SERINC2: variants seen among roughly 807,000 people sequenced by gnomAD.
SERINC2 encodes tumor differentially expressed protein 2.
Under a neutral mutation model 54.2 loss-of-function variants are expected in SERINC2, and 56 were observed. The observed-to-expected ratio is 1.03, with a 90% CI of 0.83 to 1.29. The LOEUF (loss-of-function observed/expected upper bound fraction) is 1.29. SERINC2 is among the 50% of genes most tolerant of loss of function. The probability of loss-of-function intolerance (pLI) is 0.00; values close to 1 mark genes in which losing one functional copy is unlikely to be tolerated. For synonymous variants in SERINC2, 272 were observed against 253.1 expected (o/e 1.07, Z -0.71); for missense variants, 614 against 607.4 (o/e 1.01, Z -0.12).
At chr1:31,428,923 G>T (rs1393436919) in intron 6 of SERINC2, 55 bp from the exon 7 acceptor site, 1 of 1,430,634 alleles carries the variant, frequency 7.0e-7, no homozygotes. Context: ...AGTGGGCTGG[G>T]TGGGGTGGGG....
upstream of SERINC2, chr1:31,410,500 AG>A: frequency 6.5e-7 from 1 of 1,540,196 alleles, no homozygotes; most frequent in Non-Finnish European, 8.7e-7. Context: ...GGCAGGCAGG[AG>A]GCCAGGACAG....
chr1:31,422,361 C>T (rs181009632), intron 1 of SERINC2, among the ~76,000 whole-genome samples: 7 of 152,048 alleles, frequency 4.6e-5, no homozygotes, highest in African/African-American at 9.6e-5. Context: ...GATACGGTCT[C>T]GCTATGCTGC....
intron 1 of SERINC2, among the ~76,000 whole-genome samples, chr1:31,417,004 G>A (rs927286583): frequency 3.0e-4 from 45 of 152,220 alleles, no homozygotes; most frequent in Non-Finnish European, 5.3e-4. Context: ...ACAGGCATGA[G>A]CCACCACACC....
chr1:31,413,178 G>T, upstream of SERINC2: 1 of 1,011,814 alleles, frequency 9.9e-7, no homozygotes, highest in Non-Finnish European at 1.2e-6. The surrounding 1 kb of genome is among the most constrained non-coding windows in gnomAD (Gnocchi z 5.0). Flanking sequence ...GCGGGGCCGG[G>T]GCCGGGGAGG....
rs537287447 is a variant in SERINC2 at position 31,434,409 on chromosome 1, G to A, written c.*210G>A. 286 of 580,660 alleles carry A rather than the reference G, an allele frequency of 4.9e-4. 1 individual carries two copies. Among genetic ancestry groups the A allele is most frequent in the Middle Eastern group, 9.3e-4 (2 of 2,160 alleles). The allele number at this position is 580,660 out of a possible 1,614,324, so 36.0% of individuals were successfully genotyped here. On this transcript the variant is annotated 3_prime_UTR_variant, in exon 10 of 10. Transcript: ENST00000373709. The stretch of plus-strand genomic sequence containing the variant: ...GGCTCCTGCAGAGCCCCATCCCCCC[G>A]CCACACCCACACGGTGGAGCTGCCT...
chr1:31,411,577 G>A (rs538466393), upstream of SERINC2, among the ~76,000 whole-genome samples: 3 of 152,178 alleles, frequency 2.0e-5, no homozygotes, highest in Admixed American at 2.0e-4. Flanking sequence ...GGAATCAGGA[G>A]GATGTTCATT....
chr1:31,424,913 C>T, intron 3 of SERINC2, 40 bp downstream of exon 3: 1 of 1,547,768 alleles, frequency 6.5e-7, no homozygotes, highest in Non-Finnish European at 8.8e-7. Flanking sequence ...GGACCTTCCC[C>T]CAGTGCCTTG....
At position 31,433,057 on chromosome 1, in the gene SERINC2, G is replaced by GCAT. The variant is rs1553135048; in HGVS notation, c.1104_1105insCAT (p.Gln368_Val369insHis). The GCAT allele has an allele frequency of 6.2e-7, 1 of 1,613,050 alleles. No homozygotes were observed. The highest frequency in any genetic ancestry group is 2.2e-5 in the East Asian group (1 of 44,888). ...TAGACGCCACACAGCAGCAGCAGCA[G>GCAT]GTGGCAGCCTGTGAGGGCCGGGCCT... On this transcript the variant is annotated inframe_insertion, in exon 9 of 10. Transcript: ENST00000373709.
chr1:31,433,019 T>G lies in SERINC2; in HGVS notation c.1066T>G (p.Cys356Gly), dbSNP rs782132571. 1.2e-6 allele frequency: 2 copies of G among 1,602,834 alleles called. No homozygotes were observed. The highest frequency in any genetic ancestry group is 1.7e-6 in the Non-Finnish European group (2 of 1,177,446). ...GAACAGCCTGATGCAGACCGAGGAG[T>G]GCCCACCTATGCTAGACGCCACACA... is the stretch of plus-strand genomic sequence containing the variant. ...QVNSLMQTEE[C>G]PPMLDATQQQ... The change falls in exon 9 of 10, where the codon TGC becomes GGC. Residue 356 changes from cysteine to glycine, a missense_variant. Cys to Gly is a radical substitution (Grantham distance 159). Transcript: ENST00000373709.
chr1:31,420,639 G>A (rs982716197), intron 1 of SERINC2, among the ~76,000 whole-genome samples: 6 of 152,186 alleles, frequency 3.9e-5, no homozygotes, highest in African/African-American at 4.8e-5. Flanking sequence ...GGCAGAGCCT[G>A]GCCCTTGGTG....
chr1:31,432,796 A>T (rs185671112), intron 8 of SERINC2, among the ~76,000 whole-genome samples, 171 bp from the exon 9 acceptor site: 1 of 152,284 alleles, frequency 6.6e-6, no homozygotes, highest in Admixed American at 6.5e-5. Flanking sequence ...GCTCAAGGTC[A>T]CACAGAAAAT....
At position 31,434,372 on chromosome 1, in the gene SERINC2, C is replaced by G; in HGVS notation, c.*173C>G. 3.1e-6 allele frequency: 2 copies of G among 641,054 alleles called. No homozygotes were observed. The highest frequency in any genetic ancestry group is 2.7e-6 in the Non-Finnish European group (1 of 375,180). 39.7% of individuals were successfully genotyped at this position (641,054 alleles called of 1,614,324 possible). ...TTCTAGTCGTAGTGCCTTCAGGGTC[C>G]GAGGAGCATCAGGCTCCTGCAGAGC... On this transcript the variant is annotated 3_prime_UTR_variant, in exon 10 of 10. Coordinates refer to ENST00000373709, the MANE Select transcript of SERINC2 (RefSeq NM_178865.5).
chr1:31,417,801 C>T (rs1192450030), intron 1 of SERINC2, among the ~76,000 whole-genome samples: 2 of 150,348 alleles, frequency 1.3e-5, no homozygotes, highest in Admixed American at 6.6e-5. Flanking sequence ...TTTCACTTAG[C>T]ATAATGCCCT....
Position 31,433,093 on chromosome 1 carries a change from G to A in SERINC2, c.1140G>A (p.Glu380=). 1 of 1,613,668 alleles carries A rather than the reference G, an allele frequency of 6.2e-7. No homozygotes were observed. The highest frequency in any genetic ancestry group is 8.5e-7 in the Non-Finnish European group (1 of 1,180,016). Residue 380 remains glutamate (E), a synonymous_variant, in exon 9 of 10, where the codon GAG becomes GAA. Coordinates refer to ENST00000373709, the MANE Select transcript of SERINC2 (RefSeq NM_178865.5). ...AACEGRAFDN[E]QDGVTYSYSF... ...GTGAGGGCCGGGCCTTTGACAACGAGCAGGACGGCGTCACCTACAGCTACT... is the reference window on the plus strand; with the variant it reads ...GTGAGGGCCGGGCCTTTGACAACGAACAGGACGGCGTCACCTACAGCTACT...
chr1:31,431,941 AGGGTGGTTAGGGTGGT>A lies in SERINC2; in HGVS notation c.1014-1025_1014-1010del, dbSNP rs1557500372. Among the ~76,000 whole-genome samples the A allele has an allele frequency of 2.3e-4, 29 of 125,034 alleles. 3 individuals carry two copies. The highest frequency in any genetic ancestry group is 7.3e-4 in the Admixed American group (9 of 12,254). 82.0% of individuals were successfully genotyped at this position (125,034 alleles called of 152,430 possible). A position where few individuals can be genotyped will look rare whatever the true frequency, so the allele number is the denominator to read the frequency against. On this transcript the variant is annotated intron_variant, in intron 8 of 9. Transcript: ENST00000373709. ...GGTGGTTAGGGTGGATAGGGTGGTT[AGGGTGGTTAGGGTGGT>A]TAGGGTGGATAGGGTGGATAGGGTG...
In SERINC2 at chr1:31,413,701, T is replaced by G; in HGVS notation, c.39+397T>G. Reference sequence around the variant, plus strand: ...TCTGTCCCCGTCCCGGACGCCCTGGTTCTCTGTGTAGGTCGCCCGGGCCCC... The same window carrying G: ...TCTGTCCCCGTCCCGGACGCCCTGGGTCTCTGTGTAGGTCGCCCGGGCCCC... On this transcript the variant is annotated intron_variant, in intron 1 of 9. Coordinates refer to ENST00000373709, the MANE Select transcript of SERINC2 (RefSeq NM_178865.5). The surrounding 1 kb of genome is among the most constrained non-coding windows in gnomAD (Gnocchi z 5.0). 3 of 1,198,054 alleles carry G rather than the reference T, an allele frequency of 2.5e-6. No individual in the cohort carries two copies. The highest frequency in any genetic ancestry group is 3.2e-6 in the Non-Finnish European group (3 of 942,044). 74.2% of individuals were successfully genotyped at this position (1,198,054 alleles called of 1,614,324 possible).
rs10914376 is a variant in SERINC2 at position 31,413,717 on chromosome 1, C to G, written c.39+413C>G. 562,045 of 1,281,186 alleles carry G rather than the reference C, an allele frequency of 0.44. 126,361 individuals are homozygous for G. The highest frequency in any genetic ancestry group is 0.69 in the East Asian group (19,674 of 28,568). The allele number at this position is 1,281,186 out of a possible 1,614,324, so 79.4% of individuals were successfully genotyped here. A position where few individuals can be genotyped will look rare whatever the true frequency, so the allele number is the denominator to read the frequency against. ...ACGCCCTGGTTCTCTGTGTAGGTCG[C>G]CCGGGCCCCGTCCCTCCTGGCGAGT... On this transcript the variant is annotated intron_variant, in intron 1 of 9. Coordinates refer to ENST00000373709, the MANE Select transcript of SERINC2 (RefSeq NM_178865.5). The surrounding 1 kb of genome is among the most constrained non-coding windows in gnomAD (Gnocchi z 5.0).
chr1:31,425,641 T>G, intron 4 of SERINC2, 135 bp from the exon 5 acceptor site: 1 of 1,162,204 alleles, frequency 8.6e-7, no homozygotes, highest in South Asian at 1.4e-5. Context: ...CCTCTGTGCG[T>G]AGCTAGGGGC....
rs545609017 is a variant in SERINC2 at position 31,418,706 on chromosome 1, C to T, written c.40-4987C>T. Among the ~76,000 whole-genome samples the T allele has an allele frequency of 1.1e-4, 17 of 152,256 alleles. No homozygotes were observed. In the East Asian group the frequency reaches 3.3e-3, roughly 29 times the overall value. On this transcript the variant is annotated intron_variant, in intron 1 of 9. Transcript: ENST00000373709. Reference sequence around the variant, plus strand: ...TTTGTTTTAAATAGAAAAATTCATCCAGCCCTCAGCTGCCTCCCTTACCCA... The same window carrying T: ...TTTGTTTTAAATAGAAAAATTCATCTAGCCCTCAGCTGCCTCCCTTACCCA...
Sources: gnomAD v4.1 joint callset for allele counts (sites outside exome capture counted in the v4.1 genomes callset) on GRCh38, gnomAD v4.1.1 for gene constraint, Gnocchi (gnomAD v3.1) non-coding constraint, MANE v1.5 for transcripts, NCBI Gene and HGNC (gene_info 2026-07-23, HGNC 2026-07-21) for gene names.